ASH1L: variants seen among roughly 807,000 people sequenced by gnomAD.
ASH1L encodes the protein ASH1 like histone lysine methyltransferase.
ASH1L carries 23 observed loss-of-function variants against 269.0 expected under a neutral mutation model. The observed-to-expected ratio is 0.09, with a 90% CI of 0.06 to 0.12. The LOEUF is 0.12. ASH1L is among the 10% of genes least tolerant of loss of function. The pLI is 1.00. For missense variants in ASH1L, 2,912 were observed against 3,567.8 expected, an observed-to-expected ratio of 0.82 and a Z score of 4.68; for synonymous variants, 1,187 against 1,253.5, an observed-to-expected ratio of 0.95 and a Z score of 1.12.
chr1:155,553,319 C>A (rs1671342962), intron 1 of ASH1L, among the ~76,000 whole-genome samples: 1 of 152,112 alleles, frequency 6.6e-6, no homozygotes, highest in South Asian at 2.1e-4. Flanking sequence ...AAAATATAAC[C>A]AAATATTTTA....
intron 2 of ASH1L, among the ~76,000 whole-genome samples, chr1:155,482,912 C>T (rs1666056424): frequency 6.6e-6 from 1 of 152,156 alleles, no homozygotes; most frequent in South Asian, 2.1e-4. Flanking sequence ...CTATAGAAGA[C>T]AATCCCTAAC....
intron 2 of ASH1L, among the ~76,000 whole-genome samples, chr1:155,511,014 C>T (rs1668127390): frequency 6.6e-6 from 1 of 152,038 alleles, no homozygotes; most frequent in Non-Finnish European, 1.5e-5. Context: ...TTTTGAACCT[C>T]AAATATGAGT....
At chr1:155,492,814 A>G (rs1666895845) in intron 2 of ASH1L, among the ~76,000 whole-genome samples, 1 of 151,732 alleles carries the variant, frequency 6.6e-6, no homozygotes, top group African/African-American at 2.4e-5. Context: ...TTTAACTCAC[A>G]TGCCATAAAA....
rs868673736 is a variant in ASH1L at position 155,411,602 on chromosome 1, T to A, written c.6008+4142A>T. 6.5e-4 allele frequency among the ~76,000 whole-genome samples: 76 copies of A among 117,110 alleles called. 9 individuals are homozygous for A. Among genetic ancestry groups the A allele is most frequent in the Admixed American group, 4.8e-3 (51 of 10,710 alleles). 76.8% of individuals were successfully genotyped at this position (117,110 alleles called of 152,430 possible). ...AAATAAATAAATATATATATATATA[T>A]ATATATATATATATATGTTTTCATC... On this transcript the variant is annotated intron_variant, in intron 6 of 27. Transcript: ENST00000392403.
chr1:155,345,756 G>C (rs1364048720), intron 21 of ASH1L, among the ~76,000 whole-genome samples: 1 of 150,068 alleles, frequency 6.7e-6, no homozygotes, highest in African/African-American at 2.5e-5. Context: ...TGAATTTTTA[G>C]TAGAGACAGG....
chr1:155,490,643 C>CAT (rs1553267797), intron 2 of ASH1L, among the ~76,000 whole-genome samples: 5 of 150,170 alleles, frequency 3.3e-5, no homozygotes, highest in Admixed American at 3.3e-4. Context: ...CACACACACA[C>CAT]ATACACACAC....
In ASH1L at chr1:155,521,370, G is replaced by A. The variant is rs138396421; in HGVS notation, c.150C>T (p.Arg50=). ...EKNTKEEEDL[R]KRNRERNIEA... is the part of the protein sequence containing the mutation. ...CGATGTTTCTTTCTCGATTCCGTTT[G>A]CGAAGGTCCTCTTCCTCCTTTGTGT... The change falls in exon 2 of 28, where the codon CGC becomes CGT. Residue 50 remains arginine (R), a synonymous_variant. Coordinates refer to ENST00000392403, the MANE Select transcript of ASH1L (RefSeq NM_018489.3). The A allele has an allele frequency of 1.4e-5, 22 of 1,613,956 alleles. No individual in the cohort carries two copies. The highest frequency in any genetic ancestry group is 1.7e-5 in the Non-Finnish European group (20 of 1,180,032).
Position 155,337,472 on chromosome 1 carries a change from TG to T in ASH1L, c.*187del, listed in dbSNP as rs1652409367. On this transcript the variant is annotated 3_prime_UTR_variant, in exon 28 of 28. Transcript: ENST00000392403. ...GAAAATTAATTAACCTGAACTGTCT[TG>T]GACAGAACCCTTTCCTCTCCCTCTC... 1 of 570,356 alleles carries T rather than the reference TG, an allele frequency of 1.8e-6. No homozygotes were observed. Among genetic ancestry groups the T allele is most frequent in the Admixed American group, 3.0e-5 (1 of 33,470 alleles). The allele number at this position is 570,356 out of a possible 1,614,324, so 35.3% of individuals were successfully genotyped here.
chr1:155,486,030 T>A (rs1558157375), intron 2 of ASH1L, among the ~76,000 whole-genome samples: 1 of 152,112 alleles, frequency 6.6e-6, no homozygotes, highest in Non-Finnish European at 1.5e-5. Flanking sequence ...CTGGTCCAAG[T>A]CTCACTTTCT....
In ASH1L at chr1:155,478,917, G is replaced by T; in HGVS notation, c.3953C>A (p.Thr1318Asn). The part of the protein sequence containing the change: ...HHFIPRDLLP[T>N]IFRINFNSFY... ...ACTATTAAAGTTGATTCGAAAGATA[G>T]TTGGCAGAAGATCTCGGGGGATAAA... Residue 1318 changes from threonine to asparagine, a missense_variant, in exon 3 of 28, where the codon ACT becomes AAT. Transcript: ENST00000392403. The surrounding 1 kb of genome is among the most constrained non-coding windows in gnomAD (Gnocchi z 4.6). 1 of 1,614,004 alleles carries T rather than the reference G, an allele frequency of 6.2e-7. No individual in the cohort carries two copies. Among genetic ancestry groups the T allele is most frequent in the Non-Finnish European group, 8.5e-7 (1 of 1,179,996 alleles).
intron 2 of ASH1L, among the ~76,000 whole-genome samples, chr1:155,512,022 G>C (rs1347677913): frequency 6.6e-6 from 1 of 151,948 alleles, no homozygotes. Context: ...ATGTTGGTCA[G>C]GCTGGTCTCG....
At chr1:155,532,573 A>T (rs1028940437) in intron 1 of ASH1L, among the ~76,000 whole-genome samples, 2 of 152,082 alleles carry the variant, frequency 1.3e-5, no homozygotes, top group Non-Finnish European at 2.9e-5. Flanking sequence ...TATAAATCCC[A>T]GCACTTTGGG....
intron 2 of ASH1L, among the ~76,000 whole-genome samples, chr1:155,495,628 G>C (rs555750891): frequency 6.6e-6 from 1 of 152,136 alleles, no homozygotes; most frequent in African/African-American, 2.4e-5. Context: ...GGACATTACT[G>C]TACACTACTG....
chr1:155,535,781 G>A (rs1381569337), intron 1 of ASH1L, among the ~76,000 whole-genome samples: 1 of 152,070 alleles, frequency 6.6e-6, no homozygotes, highest in Non-Finnish European at 1.5e-5. Context: ...ATCACCCGAG[G>A]TTGGGTTGGG....
chr1:155,547,414 C>G (rs1389649188), intron 1 of ASH1L, among the ~76,000 whole-genome samples: 1 of 151,892 alleles, frequency 6.6e-6, no homozygotes, highest in Admixed American at 6.6e-5. Flanking sequence ...GAAAATATGG[C>G]ACATATACAC....
chr1:155,504,440 T>G (rs1667692921), intron 2 of ASH1L, among the ~76,000 whole-genome samples: 1 of 152,162 alleles, frequency 6.6e-6, no homozygotes, highest in Non-Finnish European at 1.5e-5. Flanking sequence ...ATAAAGAAGC[T>G]CTACGAATCT....
At chr1:155,506,386 C>T (rs1362680820) in intron 2 of ASH1L, among the ~76,000 whole-genome samples, 1 of 152,180 alleles carries the variant, frequency 6.6e-6, no homozygotes, top group African/African-American at 2.4e-5. Flanking sequence ...CTATTATTAT[C>T]CATTTTTCTT....
chr1:155,393,966 T>A (rs1373728160), intron 7 of ASH1L, among the ~76,000 whole-genome samples: 1 of 152,190 alleles, frequency 6.6e-6, no homozygotes, highest in East Asian at 1.9e-4. Context: ...CCGGAGATTA[T>A]AATCTAATGG....
chr1:155,426,672 CA>C (rs1661183796), intron 5 of ASH1L, among the ~76,000 whole-genome samples: 1 of 152,136 alleles, frequency 6.6e-6, no homozygotes, highest in Non-Finnish European at 1.5e-5. Flanking sequence ...AATGGATTAA[CA>C]TCTACAAATA....
Sources: allele counts gnomAD v4.1 joint callset (sites outside exome capture counted in the v4.1 genomes callset), GRCh38; gene constraint gnomAD v4.1.1; non-coding constraint Gnocchi (gnomAD v3.1); transcripts MANE v1.5; gene names NCBI Gene and HGNC (gene_info 2026-07-23, HGNC 2026-07-21).